Variants in SFMBT1 observed in about 807,000 individuals in gnomAD.
SFMBT1 encodes scm-like with four MBT domains protein 1.
A neutral mutation model predicts 108.7 loss-of-function variants in SFMBT1; 32 were observed. That is an observed-to-expected ratio of 0.29 (90% CI 0.22 to 0.40). The LOEUF (loss-of-function observed/expected upper bound fraction) is 0.40, where lower values mean the gene tolerates loss of function less well. SFMBT1 is among the 10% of genes least tolerant of loss of function. The pLI, the probability that SFMBT1 is intolerant of heterozygous loss-of-function variation, is 1.00. For synonymous variants in SFMBT1, 348 were observed against 369.5 expected (o/e 0.94, Z 0.67); for missense variants, 816 against 1,059.6 (o/e 0.77, Z 3.19).
intron 20 of SFMBT1, among the ~76,000 whole-genome samples, chr3:52,905,771 TCACCA>T (rs1210386437): frequency 1.3e-5 from 2 of 152,228 alleles, no homozygotes; most frequent in African/African-American, 4.8e-5. Flanking sequence ...TTAAAACTTA[TCACCA>T]CTCTAGAGCC....
chr3:53,024,113 CT>C (rs1559553570), intron 1 of SFMBT1, among the ~76,000 whole-genome samples: 8 of 152,048 alleles, frequency 5.3e-5, no homozygotes, highest in South Asian at 2.1e-4. Flanking sequence ...AACACAAGTG[CT>C]AAGGAGAAAA....
intron 1 of SFMBT1, among the ~76,000 whole-genome samples, chr3:52,996,492 C>A (rs1698336534): frequency 6.7e-6 from 1 of 150,102 alleles, no homozygotes; most frequent in African/African-American, 2.4e-5. Context: ...GGATTATAGG[C>A]ATGAGGCACC....
chr3:52,944,816 C>T (rs537749491), intron 3 of SFMBT1, among the ~76,000 whole-genome samples: 3 of 151,762 alleles, frequency 2.0e-5, no homozygotes, highest in Admixed American at 6.6e-5. Context: ...CCACCAGGCC[C>T]GGCCTCTTTT....
intron 12 of SFMBT1, among the ~76,000 whole-genome samples, chr3:52,918,876 G>A (rs1021387320): frequency 6.6e-6 from 1 of 152,060 alleles, no homozygotes; most frequent in African/African-American, 2.4e-5. Flanking sequence ...ACCAGGGACT[G>A]GCTTCATGGA....
At chr3:52,947,560 T>C (rs1357858186) in intron 3 of SFMBT1, among the ~76,000 whole-genome samples, 1 of 152,172 alleles carries the variant, frequency 6.6e-6, no homozygotes, top group Non-Finnish European at 1.5e-5. Context: ...TTAAGTTCCT[T>C]ACCCATTTTT....
At chr3:52,961,724 T>G (rs1357970713) in intron 2 of SFMBT1, among the ~76,000 whole-genome samples, 1 of 152,222 alleles carries the variant, frequency 6.6e-6, no homozygotes, top group African/African-American at 2.4e-5. Context: ...ATGTTTTCAT[T>G]AGAAATACAA....
intron 1 of SFMBT1, among the ~76,000 whole-genome samples, chr3:52,984,003 T>G (rs1246090367): frequency 6.6e-6 from 1 of 152,154 alleles, no homozygotes; most frequent in African/African-American, 2.4e-5. Flanking sequence ...GTGAAAGGTG[T>G]TGGTGGCTAG....
At position 52,992,436 on chromosome 3, in the gene SFMBT1, T is replaced by C. The variant is rs1201842301; in HGVS notation, c.-130-23178A>G. On this transcript the variant is annotated intron_variant, in intron 1 of 20. Coordinates refer to ENST00000394752, the MANE Select transcript of SFMBT1 (RefSeq NM_016329.4). ...TACCCCATAAATACATACACCTCTA[T>C]GTAGCCACAAAAATTAAAATAAAAA... 2.6e-5 allele frequency among the ~76,000 whole-genome samples: 4 copies of C among 152,184 alleles called. 1 individual carries two copies. The highest frequency in any genetic ancestry group is 2.6e-4 in the Admixed American group (4 of 15,274).
chr3:52,949,568 CTTT>C (rs59842273), intron 3 of SFMBT1, among the ~76,000 whole-genome samples: 14 of 77,404 alleles, frequency 1.8e-4, no homozygotes, highest in African/African-American at 7.4e-4. Context: ...TAATGTCCTT[CTTT>C]TTTTTTTTTT....
chr3:52,935,906 A>G (rs1450121044), intron 4 of SFMBT1, among the ~76,000 whole-genome samples: 1 of 151,712 alleles, frequency 6.6e-6, no homozygotes, highest in Admixed American at 6.6e-5. Flanking sequence ...TTCTCTATGG[A>G]GTTTTTTAGA....
chr3:53,044,554 C>T (rs899846636), intron 1 of SFMBT1, among the ~76,000 whole-genome samples: 3 of 152,194 alleles, frequency 2.0e-5, no homozygotes, highest in Admixed American at 1.3e-4. Flanking sequence ...CACATGAAGA[C>T]ACATCTTCCT....
In SFMBT1 at chr3:52,996,452, G is replaced by A. The variant is rs763517196; in HGVS notation, c.-130-27194C>T. On this transcript the variant is annotated intron_variant, in intron 1 of 20. Coordinates refer to ENST00000394752, the MANE Select transcript of SFMBT1 (RefSeq NM_016329.4). Reference sequence around the variant, plus strand: ...TGGTCTCGAGTTCCTGAGCTCAAGCGATCTGCCCACCTCAGCCTCCCAAAT... The same window carrying A: ...TGGTCTCGAGTTCCTGAGCTCAAGCAATCTGCCCACCTCAGCCTCCCAAAT... Among the ~76,000 whole-genome samples the A allele has an allele frequency of 4.7e-5, 7 of 149,604 alleles. 2 individuals carry two copies. Among genetic ancestry groups the A allele is most frequent in the Non-Finnish European group, 9.0e-5 (6 of 66,816 alleles).
chr3:52,980,651 T>A (rs551737709), intron 1 of SFMBT1, among the ~76,000 whole-genome samples: 2 of 147,332 alleles, frequency 1.4e-5, no homozygotes, highest in African/African-American at 5.1e-5. Flanking sequence ...CAAGGACCAT[T>A]GTTTAAAAAA....
At chr3:53,000,669 C>CGTAAGCG (rs1698516114) in intron 1 of SFMBT1, among the ~76,000 whole-genome samples, 1 of 149,822 alleles carries the variant, frequency 6.7e-6, no homozygotes, top group South Asian at 2.1e-4. Flanking sequence ...TCAGCAAAAA[C>CGTAAGCG]GTAAATTAGT....
intron 1 of SFMBT1, among the ~76,000 whole-genome samples, chr3:52,979,581 C>G (rs1188583411): frequency 2.0e-5 from 3 of 152,162 alleles, no homozygotes; most frequent in East Asian, 3.8e-4. Flanking sequence ...GTCACAAGAC[C>G]CCATCCAACT....
chr3:53,033,530 A>C (rs2106961900), intron 1 of SFMBT1, among the ~76,000 whole-genome samples: 1 of 152,202 alleles, frequency 6.6e-6, no homozygotes, highest in African/African-American at 2.4e-5. Context: ...TTTTATCAAA[A>C]TTTTGAAAGA....
At chr3:52,976,048 G>C (rs1034797786) in intron 1 of SFMBT1, among the ~76,000 whole-genome samples, 5 of 151,986 alleles carry the variant, frequency 3.3e-5, no homozygotes, top group African/African-American at 4.8e-5. Flanking sequence ...ATCTAAAAGA[G>C]AAAAAAATGG....
At chr3:53,006,071 A>T (rs954287861) in intron 1 of SFMBT1, among the ~76,000 whole-genome samples, 1 of 152,210 alleles carries the variant, frequency 6.6e-6, no homozygotes, top group Admixed American at 6.5e-5. Context: ...CTGCCTGAAG[A>T]AGTTGATTAG....
intron 10 of SFMBT1, 106 bp downstream of exon 10, chr3:52,925,925 G>T: frequency 9.9e-7 from 1 of 1,012,672 alleles, no homozygotes. Context: ...TGCTCATCTG[G>T]ATTAAGTGAG....
Sources: allele counts gnomAD v4.1 joint callset (sites outside exome capture counted in the v4.1 genomes callset), GRCh38; gene constraint gnomAD v4.1.1; transcripts MANE v1.5; gene names NCBI Gene and HGNC (gene_info 2026-07-23, HGNC 2026-07-21).